ERBB4: variants seen among roughly 807,000 people sequenced by gnomAD.
ERBB4 encodes receptor tyrosine-protein kinase erbB-4.
In ERBB4, 42 loss-of-function variants were observed where a neutral mutation model predicts 158.0. That is an observed-to-expected ratio of 0.27 (90% confidence interval 0.21 to 0.34). The LOEUF (loss-of-function observed/expected upper bound fraction) is 0.34, where lower values mean the gene tolerates loss of function less well. Among genes scored for constraint, ERBB4 ranks in the 10% least tolerant of loss-of-function variants. The probability of loss-of-function intolerance (pLI) is 1.00; values close to 1 mark genes in which losing one functional copy is unlikely to be tolerated. For missense variants in ERBB4, 1,333 were observed against 1,624.1 expected (o/e 0.82, Z 3.08); for synonymous variants, 583 against 558.7 (o/e 1.04, Z -0.61).
At chr2:211,740,494 G>T (rs2074751004) in intron 5 of ERBB4, among the ~76,000 whole-genome samples, 1 of 151,752 alleles carries the variant, frequency 6.6e-6, no homozygotes, top group Admixed American at 6.6e-5. Flanking sequence ...GGACAAAAAC[G>T]TGGCTTGGCA....
chr2:212,537,401 G>A (rs1432695618), intron 1 of ERBB4, among the ~76,000 whole-genome samples: 1 of 152,106 alleles, frequency 6.6e-6, no homozygotes, highest in Non-Finnish European at 1.5e-5. Context: ...GGAAACTCTA[G>A]TGTCAGAAAC....
At chr2:211,985,403 T>C (rs1482574222) in intron 2 of ERBB4, among the ~76,000 whole-genome samples, 2 of 152,150 alleles carry the variant, frequency 1.3e-5, no homozygotes, top group African/African-American at 4.8e-5. Context: ...TTCTGTTAAG[T>C]ACAGTAAATT....
chr2:212,437,878 T>TA (rs1211890884), intron 1 of ERBB4, among the ~76,000 whole-genome samples: 2 of 152,014 alleles, frequency 1.3e-5, no homozygotes, highest in African/African-American at 4.8e-5. Flanking sequence ...TGACTTACCT[T>TA]AAAAAAATCA....
intron 20 of ERBB4, among the ~76,000 whole-genome samples, chr2:211,544,778 A>T (rs890873312): frequency 1.3e-5 from 2 of 152,016 alleles, no homozygotes; most frequent in African/African-American, 4.8e-5. Context: ...GCATGACTTC[A>T]GTGAAAATGT....
At chr2:211,789,743 C>T (rs564645375) in intron 3 of ERBB4, among the ~76,000 whole-genome samples, 4 of 152,176 alleles carry the variant, frequency 2.6e-5, no homozygotes, top group Admixed American at 2.0e-4. Context: ...ATTCATCTCT[C>T]TTGTGTGGAA....
At chr2:211,987,341 A>AAAAGAAAG (rs1553526815) in intron 2 of ERBB4, among the ~76,000 whole-genome samples, 202 of 124,438 alleles carry the variant, frequency 1.6e-3, no homozygotes, top group Admixed American at 2.9e-3. Context: ...AAAAAAAAAA[A>AAAAGAAAG]AAAGAAAGAA....
chr2:211,716,781 C>G (rs1223199703), intron 7 of ERBB4, among the ~76,000 whole-genome samples: 1 of 151,982 alleles, frequency 6.6e-6, no homozygotes, highest in Non-Finnish European at 1.5e-5. Context: ...TTTGGCAAAC[C>G]AAGCCATGTA....
intron 1 of ERBB4, among the ~76,000 whole-genome samples, chr2:212,465,956 G>T (rs1333425808): frequency 6.6e-6 from 1 of 152,108 alleles, no homozygotes; most frequent in African/African-American, 2.4e-5. Context: ...AATAAGTTAA[G>T]CTCTGTGTTC....
intron 3 of ERBB4, among the ~76,000 whole-genome samples, chr2:211,878,332 CT>C (rs2078567039): frequency 6.6e-6 from 1 of 151,984 alleles, no homozygotes. Flanking sequence ...AACAAAATAA[CT>C]TTTTGAAAGA....
chr2:211,433,957 T>C (rs1026931171), intron 20 of ERBB4, among the ~76,000 whole-genome samples: 18 of 152,138 alleles, frequency 1.2e-4, no homozygotes, highest in Non-Finnish European at 1.9e-4. Context: ...TGTAAGAGTA[T>C]CTGAACCTTC....
chr2:212,389,562 A>T lies in ERBB4; in HGVS notation c.82+148887T>A, dbSNP rs1421747052. Among the ~76,000 whole-genome samples, 5 of 152,034 alleles carry T rather than the reference A, an allele frequency of 3.3e-5. No homozygotes were observed. The South Asian group carries it at 1.0e-3, about 31-fold the overall frequency. On this transcript the variant is annotated intron_variant, in intron 1 of 27. Coordinates refer to ENST00000342788, the MANE Select transcript of ERBB4 (RefSeq NM_005235.3). ...AATTCACTCACTCACTCATTTCTTT[A>T]TACAATACTTTAGCAAATATGGAAC... is the stretch of plus-strand genomic sequence containing the variant.
chr2:211,923,545 G>A (rs1366034242), intron 3 of ERBB4, among the ~76,000 whole-genome samples: 1 of 152,024 alleles, frequency 6.6e-6, no homozygotes, highest in Non-Finnish European at 1.5e-5. Flanking sequence ...TTCATGAGAT[G>A]GTGTTGGAGA....
chr2:211,430,850 G>T, intron 21 of ERBB4, 95 bp downstream of exon 21: 1 of 1,093,754 alleles, frequency 9.1e-7, no homozygotes, highest in Non-Finnish European at 1.4e-6. Context: ...AATCTCCTAA[G>T]CTTCAGGCTT....
intron 25 of ERBB4, among the ~76,000 whole-genome samples, chr2:211,391,535 TG>T (rs1034059570): frequency 2.0e-5 from 3 of 151,842 alleles, no homozygotes; most frequent in Non-Finnish European, 4.4e-5. Flanking sequence ...TTGTTCCTGG[TG>T]GGGGGGTTTG....
intron 3 of ERBB4, among the ~76,000 whole-genome samples, chr2:211,794,566 T>A (rs899615295): frequency 1.3e-5 from 2 of 151,938 alleles, no homozygotes; most frequent in African/African-American, 4.8e-5. Flanking sequence ...AAAAATTACT[T>A]GCTTAGTGAT....
intron 1 of ERBB4, among the ~76,000 whole-genome samples, chr2:212,151,618 G>T (rs1291315710): frequency 6.6e-6 from 1 of 152,066 alleles, no homozygotes; most frequent in Non-Finnish European, 1.5e-5. Context: ...GCTGGGCATG[G>T]TGGCTCGCGC....
intron 1 of ERBB4, among the ~76,000 whole-genome samples, chr2:212,322,665 C>A (rs1441788712): frequency 8.0e-5 from 12 of 150,102 alleles, no homozygotes; most frequent in African/African-American, 2.9e-4. Flanking sequence ...GCTCATGCAG[C>A]TTTTCAAATT....
Position 211,381,328 on chromosome 2 carries a change from G to C in ERBB4, c.*2287C>G, listed in dbSNP as rs933210273. ...AATGGTGAAGTTAGACTCTAGATAG[G>C]CTAATTAGTCAGTGATGCAATATTC... On this transcript the variant is annotated 3_prime_UTR_variant, in exon 28 of 28. Coordinates refer to ENST00000342788, the MANE Select transcript of ERBB4 (RefSeq NM_005235.3). 3 of 232,088 alleles carry C rather than the reference G, an allele frequency of 1.3e-5. No individual in the cohort carries two copies. In the East Asian group the frequency reaches 1.8e-4, roughly 14 times the overall value. 14.4% of individuals were successfully genotyped at this position (232,088 alleles called of 1,614,324 possible).
At chr2:211,537,566 C>CT (rs1559272692) in intron 20 of ERBB4, among the ~76,000 whole-genome samples, 1 of 151,888 alleles carries the variant, frequency 6.6e-6, no homozygotes, top group East Asian at 1.9e-4. Flanking sequence ...TTTCTAGGTA[C>CT]TTTTATGTTA....
Sources: gnomAD v4.1 joint callset for allele counts (sites outside exome capture counted in the v4.1 genomes callset) on GRCh38, gnomAD v4.1.1 for gene constraint, MANE v1.5 for transcripts, NCBI Gene and HGNC (gene_info 2026-07-23, HGNC 2026-07-21) for gene names.